The following XKR4 variants were observed in gnomAD, a reference collection of about 807,000 sequenced individuals.
The protein encoded by XKR4 is XK-related protein 4.
XKR4 carries 12 observed loss-of-function variants against 53.9 expected under a neutral mutation model. That is an observed-to-expected ratio of 0.22 (90% CI 0.14 to 0.36). The LOEUF is 0.36. XKR4 is among the 10% of genes least tolerant of loss of function. The pLI is 1.00. For missense variants in XKR4, 799 were observed against 859.5 expected, an observed-to-expected ratio of 0.93 and a Z score of 0.88; for synonymous variants, 354 against 362.4, an observed-to-expected ratio of 0.98 and a Z score of 0.26.
At chr8:55,523,029 C>G (rs1806821324) in intron 2 of XKR4, among the ~76,000 whole-genome samples, 1 of 151,808 alleles carries the variant, frequency 6.6e-6, no homozygotes, top group Non-Finnish European at 1.5e-5. Flanking sequence ...GTAGTCCCAG[C>G]TACTGGGGAG....
intron 1 of XKR4, among the ~76,000 whole-genome samples, chr8:55,252,190 G>C (rs990659691): frequency 6.6e-5 from 10 of 152,112 alleles, no homozygotes; most frequent in African/African-American, 2.4e-4. Context: ...TAAGAAAGAG[G>C]GTTTTTCAGG....
chr8:55,358,218 ACTCT>A (rs547330354), intron 2 of XKR4, among the ~76,000 whole-genome samples: 3 of 151,530 alleles, frequency 2.0e-5, no homozygotes, highest in Non-Finnish European at 2.9e-5. Context: ...GAAAGCAGTA[ACTCT>A]CTCTCTCTGT....
intron 2 of XKR4, among the ~76,000 whole-genome samples, chr8:55,368,785 T>C (rs1804029371): frequency 1.3e-5 from 2 of 152,204 alleles, no homozygotes; most frequent in Admixed American, 1.3e-4. Flanking sequence ...GACAGATTTT[T>C]ACCATCTTCA....
intron 2 of XKR4, chr8:55,454,100 G>A: frequency 1.2e-6 from 1 of 820,160 alleles, no homozygotes; most frequent in Non-Finnish European, 2.1e-6. Flanking sequence ...GGAGGAGGGG[G>A]ACGTCATGGG....
chr8:55,385,719 A>T (rs1804299668), intron 2 of XKR4, among the ~76,000 whole-genome samples: 1 of 152,208 alleles, frequency 6.6e-6, no homozygotes, highest in Admixed American at 6.5e-5. Flanking sequence ...AAAAAATTGG[A>T]TCCATCTTTG....
intron 2 of XKR4, among the ~76,000 whole-genome samples, chr8:55,510,425 T>G (rs1806609417): frequency 6.6e-6 from 1 of 152,150 alleles, no homozygotes; most frequent in Non-Finnish European, 1.5e-5. Flanking sequence ...GGGGAGATAT[T>G]TGATCAGATT....
intron 2 of XKR4, among the ~76,000 whole-genome samples, chr8:55,438,135 A>G (rs1805204856): frequency 6.6e-6 from 1 of 152,050 alleles, no homozygotes; most frequent in Non-Finnish European, 1.5e-5. Flanking sequence ...GGCTCTAGGA[A>G]CACATTACCA....
intron 2 of XKR4, chr8:55,452,473 G>T: frequency 1.6e-6 from 1 of 631,384 alleles, no homozygotes; most frequent in Non-Finnish European, 2.9e-6. Flanking sequence ...CGCCCATCCG[G>T]TGGCAGGTAG....
chr8:55,450,248 C>CCTCAGGGG, intron 2 of XKR4: 1 of 660,402 alleles, frequency 1.5e-6, no homozygotes, highest in East Asian at 3.0e-5. Flanking sequence ...AACCGTTCTT[C>CCTCAGGGG]CTCAGGGGCT....
intron 1 of XKR4, among the ~76,000 whole-genome samples, chr8:55,165,804 CAAAA>C (rs536690179): frequency 1.7e-5 from 1 of 60,474 alleles, no homozygotes. Flanking sequence ...GACTCCGTCT[CAAAA>C]AAAAAAAAAA....
At chr8:55,150,592 G>A (rs988972748) in intron 1 of XKR4, among the ~76,000 whole-genome samples, 1 of 152,120 alleles carries the variant, frequency 6.6e-6, no homozygotes, top group Admixed American at 6.5e-5. Flanking sequence ...AACTGCACCT[G>A]TCCGTCCTTC....
intron 1 of XKR4, among the ~76,000 whole-genome samples, chr8:55,261,232 A>G (rs754776710): frequency 1.2e-4 from 18 of 152,182 alleles, no homozygotes; most frequent in Non-Finnish European, 1.9e-4. Flanking sequence ...TTGGGAAAGC[A>G]TTGAACCTTT....
intron 1 of XKR4, among the ~76,000 whole-genome samples, chr8:55,316,617 T>C (rs997812153): frequency 5.3e-5 from 8 of 152,206 alleles, no homozygotes; most frequent in Non-Finnish European, 1.0e-4. Flanking sequence ...AGCTAACCCA[T>C]CCAAATGTCC....
At chr8:55,327,744 G>C (rs994962352) in intron 1 of XKR4, among the ~76,000 whole-genome samples, 4 of 152,134 alleles carry the variant, frequency 2.6e-5, no homozygotes, top group Non-Finnish European at 4.4e-5. Flanking sequence ...ATATTTGACA[G>C]AAGAATTTAG....
At chr8:55,443,100 A>C (rs936559758) in intron 2 of XKR4, among the ~76,000 whole-genome samples, 1 of 152,214 alleles carries the variant, frequency 6.6e-6, no homozygotes, top group Non-Finnish European at 1.5e-5. Flanking sequence ...TATAGGTAAG[A>C]AAGTGAATAC....
At chr8:55,125,333 C>T (rs1018798319) in intron 1 of XKR4, among the ~76,000 whole-genome samples, 1 of 151,702 alleles carries the variant, frequency 6.6e-6, no homozygotes, top group Non-Finnish European at 1.5e-5. Flanking sequence ...TGGGTTCAAG[C>T]GATTGATTCT....
chr8:55,138,265 G>C (rs931045962), intron 1 of XKR4, among the ~76,000 whole-genome samples: 2 of 152,100 alleles, frequency 1.3e-5, no homozygotes, highest in Non-Finnish European at 2.9e-5. Context: ...AGGTGAGGGA[G>C]AACTTGAAGT....
chr8:55,327,892 T>A (rs1803317604), intron 1 of XKR4, among the ~76,000 whole-genome samples: 1 of 152,160 alleles, frequency 6.6e-6, no homozygotes, highest in South Asian at 2.1e-4. Flanking sequence ...CATGGATAAC[T>A]CTAGCAGCAA....
chr8:55,287,632 G>C (rs1409166084), intron 1 of XKR4, among the ~76,000 whole-genome samples: 2 of 152,218 alleles, frequency 1.3e-5, no homozygotes, highest in Non-Finnish European at 2.9e-5. Flanking sequence ...CATCACTCCA[G>C]AGGCTTTCTT....
Sources: allele counts gnomAD v4.1 joint callset (sites outside exome capture counted in the v4.1 genomes callset), GRCh38; gene constraint gnomAD v4.1.1; transcripts MANE v1.5; gene names NCBI Gene and HGNC (gene_info 2026-07-23, HGNC 2026-07-21).